PATJ: variants seen among roughly 807,000 people sequenced by gnomAD.
PATJ encodes the protein PATJ crumbs cell polarity complex component.
PATJ carries 190 observed loss-of-function variants against 224.9 expected under a neutral mutation model. The observed-to-expected ratio is 0.84, with a 90% confidence interval of 0.75 to 0.95. PATJ has a LOEUF of 0.95. Ranked by LOEUF, PATJ falls within the 40% of genes least tolerant of loss-of-function variation. The pLI is 0.00. For missense variants in PATJ, 2,121 were observed against 2,270.3 expected (o/e 0.93, Z 1.34); for synonymous variants, 769 against 820.3 (o/e 0.94, Z 1.07).
Position 61,864,617 on chromosome 1 carries a change from A to T in PATJ, c.2819A>T (p.Tyr940Phe), listed in dbSNP as rs76414320. 73 of 1,592,346 alleles carry T rather than the reference A, an allele frequency of 4.6e-5. No homozygotes were observed. In the East Asian group the frequency reaches 1.6e-3, roughly 36 times the overall value. ...VYSQEAQPYG[Y>F]CPENVMKENF... is the part of the protein sequence containing the mutation. ...TCCCAGGAGGCACAGCCGTATGGCTATTGCCCTGAAAATGTGGTAAGAGAT... is the reference window on the plus strand; with the variant it reads ...TCCCAGGAGGCACAGCCGTATGGCTTTTGCCCTGAAAATGTGGTAAGAGAT... The change falls in exon 20 of 44, where the codon TAT becomes TTT. Residue 940 changes from tyrosine to phenylalanine, a missense_variant. By Grantham distance (22) the Tyr-to-Phe change is conservative (BLOSUM62 3). Transcript: ENST00000642238.
chr1:61,863,981 A>G (rs1458310831), intron 19 of PATJ, among the ~76,000 whole-genome samples: 2 of 152,246 alleles, frequency 1.3e-5, no homozygotes, highest in Non-Finnish European at 2.9e-5. Flanking sequence ...TTAATGTATA[A>G]TGAACGTTTT....
At chr1:62,110,973 C>T (rs1291419012) in intron 34 of PATJ, among the ~76,000 whole-genome samples, 1 of 152,200 alleles carries the variant, frequency 6.6e-6, no homozygotes, top group Non-Finnish European at 1.5e-5. Context: ...GTTCTAGCCA[C>T]GCCATGATAT....
At chr1:61,765,939 G>C (rs762269794) in intron 3 of PATJ, among the ~76,000 whole-genome samples, 3 of 152,164 alleles carry the variant, frequency 2.0e-5, no homozygotes, top group Non-Finnish European at 4.4e-5. Context: ...GAATTGTACA[G>C]ATAAATGGAA....
intron 22 of PATJ, among the ~76,000 whole-genome samples, chr1:61,886,006 A>G (rs1668773220): frequency 6.6e-6 from 1 of 150,880 alleles, no homozygotes; most frequent in African/African-American, 2.4e-5. Flanking sequence ...GAAGAGGAAC[A>G]TCACACTCTG....
At chr1:61,765,662 C>G (rs958432632) in intron 3 of PATJ, among the ~76,000 whole-genome samples, 1 of 152,082 alleles carries the variant, frequency 6.6e-6, no homozygotes, top group Non-Finnish European at 1.5e-5. Flanking sequence ...TAAATTATGT[C>G]CACCATAATT....
chr1:61,988,095 A>C (rs1229865428), intron 27 of PATJ, among the ~76,000 whole-genome samples: 1 of 152,124 alleles, frequency 6.6e-6, no homozygotes, highest in African/African-American at 2.4e-5. Context: ...GCTACTCAGG[A>C]GGCTGAGGCA....
At chr1:62,061,938 C>T (rs752408947) in intron 31 of PATJ, among the ~76,000 whole-genome samples, 12 of 152,122 alleles carry the variant, frequency 7.9e-5, no homozygotes, top group Admixed American at 1.3e-4. Context: ...GGATTACAGG[C>T]GTGAGCCACC....
intron 34 of PATJ, among the ~76,000 whole-genome samples, chr1:62,112,542 A>G (rs189465467): frequency 6.2e-4 from 95 of 152,286 alleles, no homozygotes; most frequent in Non-Finnish European, 9.0e-4. Context: ...CCATTGCTTC[A>G]TTGTACAGAT....
intron 39 of PATJ, among the ~76,000 whole-genome samples, chr1:62,124,656 G>A (rs1215539075): frequency 2.0e-5 from 3 of 152,148 alleles, no homozygotes; most frequent in African/African-American, 4.8e-5. Context: ...CAAGATGAAG[G>A]TGTCTGCAGG....
intron 33 of PATJ, 53 bp from the exon 34 acceptor site, chr1:62,108,384 C>A: frequency 8.9e-7 from 1 of 1,126,866 alleles, no homozygotes; most frequent in Non-Finnish European, 1.3e-6. Flanking sequence ...TGGTTGTTTG[C>A]TTAAGGAAGC....
intron 24 of PATJ, among the ~76,000 whole-genome samples, chr1:61,901,974 G>T (rs933364095): frequency 6.6e-6 from 1 of 152,144 alleles, no homozygotes; most frequent in Non-Finnish European, 1.5e-5. Context: ...TGTAATACCA[G>T]CACTTTGGGA....
intron 33 of PATJ, among the ~76,000 whole-genome samples, chr1:62,102,929 C>T (rs1453125147): frequency 1.3e-5 from 2 of 151,252 alleles, no homozygotes. Context: ...GGGAGGGGGC[C>T]TATGCATCAT....
At chr1:62,043,904 T>A (rs2148544987) in intron 30 of PATJ, among the ~76,000 whole-genome samples, 1 of 152,202 alleles carries the variant, frequency 6.6e-6, no homozygotes, top group East Asian at 1.9e-4. Flanking sequence ...CTATAAGATT[T>A]TTTTGCAGAG....
chr1:61,981,567 C>G (rs1002576917), intron 27 of PATJ, among the ~76,000 whole-genome samples: 1 of 151,676 alleles, frequency 6.6e-6, no homozygotes, highest in Non-Finnish European at 1.5e-5. Flanking sequence ...CCAGGGAAAA[C>G]TGTGTTTTTA....
intron 5 of PATJ, among the ~76,000 whole-genome samples, chr1:61,770,717 C>T (rs1290340960): frequency 1.3e-5 from 2 of 151,876 alleles, no homozygotes; most frequent in African/African-American, 2.4e-5. Context: ...CAAGATCAGC[C>T]TGGGTAACAT....
chr1:61,912,818 A>C (rs929288165), intron 25 of PATJ, among the ~76,000 whole-genome samples: 2 of 152,022 alleles, frequency 1.3e-5, no homozygotes, highest in African/African-American at 4.8e-5. Context: ...TTTCTATGGG[A>C]GAAAGTAGTA....
At chr1:61,894,867 G>A (rs1670141314) in intron 22 of PATJ, among the ~76,000 whole-genome samples, 1 of 152,210 alleles carries the variant, frequency 6.6e-6, no homozygotes, top group Non-Finnish European at 1.5e-5. Flanking sequence ...GAACTTCCTA[G>A]AGACTTGTTG....
intron 17 of PATJ, among the ~76,000 whole-genome samples, chr1:61,850,738 G>T (rs1371788850): frequency 6.6e-6 from 1 of 152,242 alleles, no homozygotes; most frequent in African/African-American, 2.4e-5. Flanking sequence ...TACCAGCCAT[G>T]TGCTTTGGTT....
rs1236281412 is a variant in PATJ at position 62,158,038 on chromosome 1, G to A, written c.5503-2870G>A. On this transcript the variant is annotated intron_variant, in intron 43 of 43. Transcript: ENST00000642238. ...TTTTATTTTATTATATTACCACCAC[G>A]TTGAGTAAATGCCATATGTCATACA... Among the ~76,000 whole-genome samples, 5 of 148,684 alleles carry A rather than the reference G, an allele frequency of 3.4e-5. 1 individual carries two copies.
Sources: gnomAD v4.1 joint callset for allele counts (sites outside exome capture counted in the v4.1 genomes callset) on GRCh38, gnomAD v4.1.1 for gene constraint, MANE v1.5 for transcripts, NCBI Gene and HGNC (gene_info 2026-07-23, HGNC 2026-07-21) for gene names.